Variants in ROCK2 observed in about 807,000 individuals in gnomAD.
ROCK2 encodes Rho associated coiled-coil containing protein kinase 2.
Under a neutral mutation model 195.1 loss-of-function variants are expected in ROCK2, and 61 were observed. The ratio of observed to expected loss-of-function variants is 0.31; its 90% confidence interval spans 0.25 to 0.39. The LOEUF is 0.39. ROCK2 is among the 10% of genes least tolerant of loss of function. ROCK2 has a pLI of 1.00. For missense variants in ROCK2, 1,109 were observed against 1,637.4 expected (o/e 0.68, Z 5.57); for synonymous variants, 504 against 545.5 (o/e 0.92, Z 1.06).
chr2:11,258,527 A>C (rs1488351423), intron 3 of ROCK2, among the ~76,000 whole-genome samples: 1 of 151,446 alleles, frequency 6.6e-6, no homozygotes, highest in Non-Finnish European at 1.5e-5. Context: ...GCTTAGCAAC[A>C]GTGAATAAGC....
chr2:11,235,164 A>T lies in ROCK2; in HGVS notation c.723+538T>A, dbSNP rs1665158293. On this transcript the variant is annotated intron_variant, in intron 5 of 32. Coordinates refer to ENST00000315872, the MANE Select transcript of ROCK2 (RefSeq NM_004850.5). The surrounding 1 kb of genome is among the most constrained non-coding windows in gnomAD (Gnocchi z 4.2). ...TAAATCAGTATCATAATTAGCTACG[A>T]GGTTAATGCCACTGAACCTATCAAT... Among the ~76,000 whole-genome samples, 1 of 152,284 alleles carries T rather than the reference A, an allele frequency of 6.6e-6. No individual in the cohort carries two copies. The highest frequency in any genetic ancestry group is 3.4e-3 in the Middle Eastern group (1 of 294).
chr2:11,282,255 G>A (rs1283152279), intron 3 of ROCK2, among the ~76,000 whole-genome samples: 1 of 152,080 alleles, frequency 6.6e-6, no homozygotes, highest in African/African-American at 2.4e-5. Context: ...AGAGGCTGGG[G>A]CAGCAGGATC....
rs1041874349 is a variant in ROCK2, at chr2:11,197,907, A to G, written c.3100-202T>C. On this transcript the variant is annotated intron_variant, in intron 25 of 32. Transcript: ENST00000315872. This position sits in a 1 kb window ranked among gnomAD's most constrained non-coding sequence, Gnocchi z 4.9. The stretch of plus-strand genomic sequence containing the variant: ...ATCATCCTTCTCCATCCAATGAGCC[A>G]TTAGATTTTTACTCGTGTTTTCTGA... Among the ~76,000 whole-genome samples the G allele has an allele frequency of 5.3e-5, 8 of 152,186 alleles. No homozygotes were observed. Among genetic ancestry groups the G allele is most frequent in the African/African-American group, 1.7e-4 (7 of 41,450 alleles).
chr2:11,279,944 A>G (rs988111534), intron 3 of ROCK2, among the ~76,000 whole-genome samples: 3 of 152,242 alleles, frequency 2.0e-5, no homozygotes, highest in Non-Finnish European at 4.4e-5. Flanking sequence ...GGGTCAAAGA[A>G]GGAATCTCAT....
At chr2:11,276,720 T>C (rs1445493220) in intron 3 of ROCK2, among the ~76,000 whole-genome samples, 1 of 152,154 alleles carries the variant, frequency 6.6e-6, no homozygotes, top group Non-Finnish European at 1.5e-5. Context: ...AACAAATAAA[T>C]TTGTTCAAAA....
Position 11,221,223 on chromosome 2 carries a change from C to T in ROCK2, c.1234G>A (p.Gly412Arg). 1 of 1,574,946 alleles carries T rather than the reference C, an allele frequency of 6.3e-7. No individual in the cohort carries two copies. The highest frequency in any genetic ancestry group is 8.6e-7 in the Non-Finnish European group (1 of 1,165,372). Residue 412 changes from glycine (G) to arginine (R), a missense_variant, in exon 9 of 33, where the codon GGA becomes AGA. By Grantham distance (125) the Gly-to-Arg change is moderately radical. Transcript: ENST00000315872. ...AFVGNQLPFI[G>R]FTYYRENLLL... The stretch of plus-strand genomic sequence containing the variant: ...AAATTTTCTCTATAGTAGGTAAATC[C>T]GATGAAAGGCAGCTGATTTCCAACA...
At chr2:11,214,572 G>A in intron 16 of ROCK2, 109 bp from the exon 17 acceptor site, 1 of 708,862 alleles carries the variant, frequency 1.4e-6, no homozygotes, top group Non-Finnish European at 2.3e-6. Context: ...TTGTTTGTGA[G>A]CAGAAGTTTT....
At chr2:11,246,154 C>A (rs958069306) in intron 4 of ROCK2, among the ~76,000 whole-genome samples, 5 of 152,136 alleles carry the variant, frequency 3.3e-5, no homozygotes, top group Non-Finnish European at 7.4e-5. Context: ...GGCCTATGAA[C>A]CTGGCCTATG....
At chr2:11,331,694 A>C (rs902107891) in intron 1 of ROCK2, among the ~76,000 whole-genome samples, 9 of 152,206 alleles carry the variant, frequency 5.9e-5, no homozygotes, top group African/African-American at 1.9e-4. Context: ...TGGGAGGCCA[A>C]GGCGGGTGGA....
chr2:11,339,491 T>C (rs1669036928), intron 1 of ROCK2, among the ~76,000 whole-genome samples: 1 of 149,908 alleles, frequency 6.7e-6, no homozygotes, highest in African/African-American at 2.5e-5. Context: ...ATTATTCACG[T>C]GAGCTCCAGA....
intron 1 of ROCK2, among the ~76,000 whole-genome samples, chr2:11,333,010 G>A (rs911900445): frequency 6.6e-5 from 10 of 152,076 alleles, no homozygotes; most frequent in African/African-American, 2.4e-4. Flanking sequence ...GCTGGGGATG[G>A]GATTCAGGAT....
intron 20 of ROCK2, among the ~76,000 whole-genome samples, chr2:11,203,602 G>A (rs1031529794): frequency 2.0e-5 from 3 of 152,108 alleles, no homozygotes; most frequent in African/African-American, 4.8e-5. Flanking sequence ...TCTTCAGTTC[G>A]TATACTGCTT....
chr2:11,199,134 C>G (rs1158905186), intron 23 of ROCK2, among the ~76,000 whole-genome samples: 1 of 151,588 alleles, frequency 6.6e-6, no homozygotes, highest in Non-Finnish European at 1.5e-5. Context: ...CTCCTGGCCT[C>G]GAGTGATCGC....
At chr2:11,331,048 A>AGGAG (rs1407919748) in intron 1 of ROCK2, among the ~76,000 whole-genome samples, 3 of 141,954 alleles carry the variant, frequency 2.1e-5, no homozygotes, top group Admixed American at 7.1e-5. Context: ...AGGAGGGAGG[A>AGGAG]GGAGGAGGAG....
intron 1 of ROCK2, chr2:11,308,986 G>A (rs1293846124): frequency 6.9e-6 from 11 of 1,604,216 alleles, no homozygotes; most frequent in Non-Finnish European, 8.5e-6. Context: ...TTACCACTCA[G>A]TAGAAACCAT....
At chr2:11,217,317 C>T in intron 11 of ROCK2, 148 bp from the exon 12 acceptor site, 1 of 726,566 alleles carries the variant, frequency 1.4e-6, no homozygotes. Context: ...CTTAATGTGA[C>T]TTATATTGAT....
intron 4 of ROCK2, among the ~76,000 whole-genome samples, chr2:11,241,059 A>G (rs935804707): frequency 6.6e-5 from 10 of 152,336 alleles, no homozygotes; most frequent in African/African-American, 2.4e-4. Context: ...AAAAACTGGA[A>G]AAAACCTGAA....
rs74971791 is a variant in ROCK2 at position 11,232,484 on chromosome 2, A to T, written c.723+3218T>A. ...ATAGTAACAATAATCAAACAAAGGC[A>T]CATGAAGTGTTGAGCCTTAAACTTG... On this transcript the variant is annotated intron_variant, in intron 5 of 32. Transcript: ENST00000315872. Among the ~76,000 whole-genome samples the T allele has an allele frequency of 5.9e-5, 9 of 152,358 alleles. No individual in the cohort carries two copies. In the East Asian group the frequency reaches 1.7e-3, roughly 29 times the overall value.
At chr2:11,318,482 T>C (rs527462199) in intron 1 of ROCK2, among the ~76,000 whole-genome samples, 8 of 152,176 alleles carry the variant, frequency 5.3e-5, no homozygotes, top group Non-Finnish European at 1.0e-4. Context: ...TAAATTTGAG[T>C]TCTTTGTAGA....
Sources: gnomAD v4.1 joint callset for allele counts (sites outside exome capture counted in the v4.1 genomes callset) on GRCh38, gnomAD v4.1.1 for gene constraint, Gnocchi (gnomAD v3.1) non-coding constraint, MANE v1.5 for transcripts, NCBI Gene and HGNC (gene_info 2026-07-23, HGNC 2026-07-21) for gene names.